The following RTN4 variants were observed in gnomAD, a reference collection of about 807,000 sequenced individuals.
RTN4 encodes the protein reticulon 4, also known as reticulon-4.
A neutral mutation model predicts 90.4 loss-of-function variants in RTN4; 32 were observed. That is an observed-to-expected ratio of 0.35 (90% CI 0.27 to 0.48). The LOEUF (loss-of-function observed/expected upper bound fraction) is 0.48. Ranked by LOEUF, RTN4 falls within the 20% of genes least tolerant of loss-of-function variation. The pLI is 0.99. For synonymous variants in RTN4, 629 were observed against 552.5 expected (o/e 1.14, Z -1.94); for missense variants, 1,706 against 1,430.2 (o/e 1.19, Z -3.11).
intron 1 of RTN4, among the ~76,000 whole-genome samples, chr2:55,031,901 C>T (rs546090774): frequency 1.8e-4 from 27 of 152,282 alleles, no homozygotes; most frequent in Admixed American, 1.6e-3. Context: ...AAAATCAAAA[C>T]TTGAAAGGAT....
rs200640197 is a variant in RTN4 at position 54,987,597 on chromosome 2, C to G, written c.3115G>C (p.Val1039Leu). The change falls in exon 4 of 9, where the codon GTA (valine) becomes CTA (leucine). Residue 1039 changes from valine to leucine, a missense_variant. Val to Leu is a conservative substitution (Grantham distance 32). Coordinates refer to ENST00000337526, the MANE Select transcript of RTN4 (RefSeq NM_020532.5). ...LSLTVFSIVS[V>L]TAYIALALLS... ...AGGGCCAAGGCAATGTAGGCTGTTA[C>G]GCTCACAATGCTGAATACTGTCAAT... 13 of 1,613,936 alleles carry G rather than the reference C, an allele frequency of 8.1e-6. No individual in the cohort carries two copies. The highest frequency in any genetic ancestry group is 2.2e-5 in the East Asian group (1 of 44,894).
chr2:55,028,145 G>A lies in RTN4; in HGVS notation c.613+19C>T. 3 of 1,607,806 alleles carry A rather than the reference G, an allele frequency of 1.9e-6. No homozygotes were observed. The highest frequency in any genetic ancestry group is 2.6e-6 in the Non-Finnish European group (3 of 1,175,922). On this transcript the variant is annotated intron_variant, in intron 2 of 8. Coordinates refer to ENST00000337526, the MANE Select transcript of RTN4 (RefSeq NM_020532.5). ...AGTTAGAATACAGAGAGGATAAAAG[G>A]CTGGCAGAAAGAACTTGCCTGCAGA...
intron 2 of RTN4, among the ~76,000 whole-genome samples, chr2:55,079,212 G>A (rs1668658378): frequency 6.6e-6 from 1 of 152,208 alleles, no homozygotes; most frequent in African/African-American, 2.4e-5. Context: ...CTGGGGAGAT[G>A]ATGGGGGAAA....
intron 1 of RTN4, among the ~76,000 whole-genome samples, chr2:55,030,245 T>C (rs910245934): frequency 1.3e-5 from 2 of 152,126 alleles, no homozygotes; most frequent in African/African-American, 4.8e-5. Context: ...CAATAATCTT[T>C]TATAATAAAA....
chr2:55,018,028 G>A (rs559627719), intron 3 of RTN4, among the ~76,000 whole-genome samples: 1 of 152,256 alleles, frequency 6.6e-6, no homozygotes, highest in South Asian at 2.1e-4. Flanking sequence ...ATACAAATAA[G>A]AAGTTAGCCC....
upstream of RTN4, among the ~76,000 whole-genome samples, chr2:55,052,834 C>A (rs1230854803): frequency 6.6e-6 from 1 of 152,208 alleles, no homozygotes; most frequent in South Asian, 2.1e-4. Flanking sequence ...GCTTTTCCCA[C>A]TATGACTGTT....
At chr2:54,998,722 G>C (rs192425135) in intron 3 of RTN4, among the ~76,000 whole-genome samples, 44 of 152,178 alleles carry the variant, frequency 2.9e-4, no homozygotes, top group African/African-American at 1.0e-3. Context: ...TTTTAGAACA[G>C]AAACATTTAA....
intron 2 of RTN4, among the ~76,000 whole-genome samples, chr2:55,066,732 AGCCTACTT>A (rs1668401450): frequency 6.6e-6 from 1 of 151,174 alleles, no homozygotes. Flanking sequence ...AAATAAATAA[AGCCTACTT>A]TACAAGGCCT....
intron 6 of RTN4, 119 bp downstream of exon 6, chr2:54,974,576 C>T (rs559842020): frequency 1.1e-5 from 10 of 871,974 alleles, no homozygotes; most frequent in Admixed American, 2.0e-5. Context: ...CTACCGCGCC[C>T]GGCCCACATT....
the RTN4 span, among the ~76,000 whole-genome samples, chr2:55,130,575 C>A: frequency 1.3e-5 from 2 of 152,050 alleles, no homozygotes; most frequent in African/African-American, 2.4e-5. Context: ...ACAAAAAATA[C>A]AAAAATCTCT....
At chr2:55,041,596 G>A (rs915733595) in intron 1 of RTN4, among the ~76,000 whole-genome samples, 1 of 151,976 alleles carries the variant, frequency 6.6e-6, no homozygotes, top group Non-Finnish European at 1.5e-5. Context: ...CTTCAAAGTG[G>A]TTAAGAAGGA....
At chr2:55,114,002 A>G (rs1379121789), upstream of RTN4, among the ~76,000 whole-genome samples, 1 of 152,248 alleles carries the variant, frequency 6.6e-6, no homozygotes, top group Non-Finnish European at 1.5e-5. Context: ...TGGCCTCACA[A>G]ATTTGCTTTG....
the RTN4 span, among the ~76,000 whole-genome samples, chr2:55,118,243 T>C: frequency 5.9e-5 from 9 of 152,068 alleles, no homozygotes; most frequent in South Asian, 4.2e-4. Flanking sequence ...AGGTGAAGGA[T>C]TGCTTGAGCC....
chr2:55,053,468 C>T (rs1445810248), upstream of RTN4, among the ~76,000 whole-genome samples: 3 of 152,022 alleles, frequency 2.0e-5, no homozygotes, highest in African/African-American at 7.3e-5. Context: ...GGGTAGATCT[C>T]TTGAGGTCAG....
At chr2:55,100,053 C>T (rs1445979205) in intron 1 of RTN4, among the ~76,000 whole-genome samples, 1 of 152,132 alleles carries the variant, frequency 6.6e-6, no homozygotes, top group Non-Finnish European at 1.5e-5. Context: ...ATTTGTCCTA[C>T]TAATCTGCTA....
intron 1 of RTN4, among the ~76,000 whole-genome samples, chr2:55,095,454 T>A (rs539133333): frequency 2.0e-5 from 3 of 152,376 alleles, no homozygotes; most frequent in African/African-American, 7.2e-5. Context: ...CCATTTGTTA[T>A]AATTGATGAA....
chr2:55,065,660 G>C (rs1224383675), intron 2 of RTN4, among the ~76,000 whole-genome samples: 1 of 151,898 alleles, frequency 6.6e-6, no homozygotes, highest in Non-Finnish European at 1.5e-5. Flanking sequence ...AAAGAAACAA[G>C]GTACACACAT....
chr2:55,126,079 A>G, the RTN4 span, among the ~76,000 whole-genome samples: 1 of 150,310 alleles, frequency 6.7e-6, no homozygotes, highest in Non-Finnish European at 1.5e-5. Context: ...AAAAAAAAAA[A>G]AGGTCCGGGC....
intron 4 of RTN4, among the ~76,000 whole-genome samples, chr2:54,984,097 G>A (rs1289566747): frequency 3.9e-5 from 6 of 151,966 alleles, no homozygotes; most frequent in Admixed American, 6.6e-5. Context: ...CTTACCTCTG[G>A]TGATACCTTA....
Sources: gnomAD v4.1 joint callset for allele counts (sites outside exome capture counted in the v4.1 genomes callset) on GRCh38, gnomAD v4.1.1 for gene constraint, MANE v1.5 for transcripts, NCBI Gene and HGNC (gene_info 2026-07-23, HGNC 2026-07-21) for gene names.